Variants in XYLT1 observed in about 807,000 individuals in gnomAD.
XYLT1 encodes beta-D-xylosyltransferase 1.
XYLT1 carries 36 observed loss-of-function variants against 91.3 expected under a neutral mutation model. The observed-to-expected ratio is 0.39, with a 90% CI of 0.30 to 0.52. XYLT1 has a LOEUF of 0.52. Ranked by LOEUF, XYLT1 falls within the 20% of genes least tolerant of loss-of-function variation. XYLT1 has a pLI of 0.68. For synonymous variants in XYLT1, 588 were observed against 532.0 expected, an observed-to-expected ratio of 1.11 and a Z score of -1.45; for missense variants, 1,242 against 1,284.5, an observed-to-expected ratio of 0.97 and a Z score of 0.51.
chr16:17,322,709 A>G (rs2034742840), intron 2 of XYLT1, among the ~76,000 whole-genome samples: 1 of 152,184 alleles, frequency 6.6e-6, no homozygotes, highest in Admixed American at 6.5e-5. Flanking sequence ...TAGCCCTGCC[A>G]ACTCACTGAC....
rs1190397667 is a variant in XYLT1, at chr16:17,470,590, G to GTCCCGGCGC, written c.198_206dup (p.Glu66_Arg68dup). On this transcript the variant is annotated inframe_insertion, in exon 1 of 12. Coordinates refer to ENST00000261381, the MANE Select transcript of XYLT1 (RefSeq NM_022166.4). ...GGGCTGCAGCCGGCTCGGCGGGCAG[G>GTCCCGGCGC]TCCCGGCGCTCCCGGCGCGGGGCCG... is the stretch of plus-strand genomic sequence containing the variant. 1 of 1,184,520 alleles carries GTCCCGGCGC rather than the reference G, an allele frequency of 8.4e-7. No individual in the cohort carries two copies. The highest frequency in any genetic ancestry group is 3.7e-5 in the East Asian group (1 of 27,354). The allele number at this position is 1,184,520 out of a possible 1,614,324, so 73.4% of individuals were successfully genotyped here.
intron 1 of XYLT1, among the ~76,000 whole-genome samples, chr16:17,464,353 G>A (rs1248038043): frequency 6.6e-6 from 1 of 152,054 alleles, no homozygotes; most frequent in African/African-American, 2.4e-5. Context: ...TTAGCCAGGT[G>A]TGGTGGCGGG....
chr16:17,163,874 C>G (rs746777568), intron 5 of XYLT1, among the ~76,000 whole-genome samples: 1 of 151,668 alleles, frequency 6.6e-6, no homozygotes, highest in African/African-American at 2.4e-5. Context: ...CATGGTGAAA[C>G]CCCGTCTCTA....
At chr16:17,408,838 A>C (rs1450868815) in intron 1 of XYLT1, among the ~76,000 whole-genome samples, 2 of 152,210 alleles carry the variant, frequency 1.3e-5, no homozygotes, top group Non-Finnish European at 2.9e-5. Context: ...ACAAGAGTGA[A>C]ACTCCATCTC....
At chr16:17,115,639 C>G (rs999489527) in intron 11 of XYLT1, among the ~76,000 whole-genome samples, 3 of 151,474 alleles carry the variant, frequency 2.0e-5, no homozygotes, top group Non-Finnish European at 4.4e-5. Flanking sequence ...CCACCACACT[C>G]GGCTAATTTT....
intron 11 of XYLT1, 37 bp from the exon 12 acceptor site, chr16:17,109,054 GCCACC>G (rs1345167384): frequency 6.7e-7 from 1 of 1,485,316 alleles, no homozygotes; most frequent in Non-Finnish European, 8.9e-7. Context: ...GATCAGAAGA[GCCACC>G]AATAGGATGC....
rs1307896914 is a variant in XYLT1 at position 17,452,099 on chromosome 16, T to C, written c.363+18335A>G. Reference sequence around the variant, plus strand: ...TACTCAATTGCTATAAGAGAAGCATTGAGCAAGCATTGAGAATTAAGGAAC... The same window carrying C: ...TACTCAATTGCTATAAGAGAAGCATCGAGCAAGCATTGAGAATTAAGGAAC... On this transcript the variant is annotated intron_variant, in intron 1 of 11. Transcript: ENST00000261381. Among the ~76,000 whole-genome samples the C allele has an allele frequency of 4.6e-5, 7 of 152,284 alleles. No individual in the cohort carries two copies. The East Asian group carries it at 7.7e-4, about 17-fold the overall frequency.
intron 8 of XYLT1, chr16:17,138,154 A>T: frequency 2.3e-6 from 1 of 425,622 alleles, no homozygotes; most frequent in Non-Finnish European, 4.1e-6. Context: ...TGGGTTAATG[A>T]GTCAATGTGG....
chr16:17,370,585 T>C (rs1043819804), intron 1 of XYLT1, among the ~76,000 whole-genome samples: 4 of 152,280 alleles, frequency 2.6e-5, no homozygotes, highest in African/African-American at 7.2e-5. Flanking sequence ...GACTCAGCAG[T>C]GGCCTCTGTT....
chr16:17,231,576 T>C (rs4782019), intron 3 of XYLT1, among the ~76,000 whole-genome samples: 131,561 of 152,202 alleles, frequency 0.86, 57,302 homozygotes, highest in East Asian at 1. Context: ...GAGATTTTGT[T>C]GCTGTGAGAC....
At chr16:17,383,307 A>G (rs142635191) in intron 1 of XYLT1, among the ~76,000 whole-genome samples, 14 of 151,910 alleles carry the variant, frequency 9.2e-5, no homozygotes, top group African/African-American at 3.4e-4. Flanking sequence ...ATCCTTCCCA[A>G]TTCAAGACGT....
chr16:17,296,629 G>A (rs936417536), intron 2 of XYLT1, among the ~76,000 whole-genome samples: 3 of 152,228 alleles, frequency 2.0e-5, no homozygotes, highest in African/African-American at 7.2e-5. Context: ...CTGATGGGCA[G>A]GAGCGCAGAG....
In XYLT1 at chr16:17,323,454, C is replaced by T. The variant is rs117458316; in HGVS notation, c.402+34558G>A. Among the ~76,000 whole-genome samples, 209 of 152,306 alleles carry T rather than the reference C, an allele frequency of 1.4e-3. 2 individuals are homozygous for T. In the East Asian group the frequency reaches 0.024, roughly 17 times the overall value. ...TCTCCCCACTCCAGCAGCTGGATCA[C>T]GCTGATTAAACTGCAAATAAAACAC... On this transcript the variant is annotated intron_variant, in intron 2 of 11. Coordinates refer to ENST00000261381, the MANE Select transcript of XYLT1 (RefSeq NM_022166.4).
intron 2 of XYLT1, among the ~76,000 whole-genome samples, chr16:17,260,304 TG>T (rs1238805364): frequency 5.9e-5 from 9 of 152,222 alleles, no homozygotes; most frequent in African/African-American, 2.2e-4. Context: ...ATCAGTCGAA[TG>T]ATCAAATGCA....
At chr16:17,380,693 A>G (rs1019398406) in intron 1 of XYLT1, among the ~76,000 whole-genome samples, 6 of 152,226 alleles carry the variant, frequency 3.9e-5, no homozygotes, top group African/African-American at 7.2e-5. Context: ...AGCTATTGGC[A>G]TATCTGTGTT....
intron 1 of XYLT1, among the ~76,000 whole-genome samples, chr16:17,411,369 T>C (rs2036105182): frequency 6.6e-6 from 1 of 152,168 alleles, no homozygotes; most frequent in African/African-American, 2.4e-5. Flanking sequence ...TACAATTTGC[T>C]CCCTAATTAA....
chr16:17,345,690 A>ATGTT (rs2035134390), intron 2 of XYLT1, among the ~76,000 whole-genome samples: 1 of 152,266 alleles, frequency 6.6e-6, no homozygotes, highest in Admixed American at 6.5e-5. Flanking sequence ...ACGTAGGACT[A>ATGTT]TGAAAGTAAT....
At chr16:17,372,319 TC>T in intron 1 of XYLT1, among the ~76,000 whole-genome samples, 2 of 152,236 alleles carry the variant, frequency 1.3e-5, no homozygotes, top group Admixed American at 1.3e-4. Flanking sequence ...ATCTTTTCAA[TC>T]TTTTCAACAC....
At chr16:17,280,922 G>A (rs2034046712) in intron 2 of XYLT1, among the ~76,000 whole-genome samples, 1 of 152,112 alleles carries the variant, frequency 6.6e-6, no homozygotes, top group African/African-American at 2.4e-5. Context: ...CCAATTCTCA[G>A]CCTTGCCTTC....
Sources: allele counts gnomAD v4.1 joint callset (sites outside exome capture counted in the v4.1 genomes callset), GRCh38; gene constraint gnomAD v4.1.1; transcripts MANE v1.5; gene names NCBI Gene and HGNC (gene_info 2026-07-23, HGNC 2026-07-21).